Variants in ROBO1 observed in about 807,000 individuals in gnomAD.
The protein encoded by ROBO1 is roundabout guidance receptor 1.
ROBO1 carries 149 observed loss-of-function variants against 195.9 expected under a neutral mutation model. That is an observed-to-expected ratio of 0.76 (90% CI 0.67 to 0.87). ROBO1 has a LOEUF of 0.87. Among genes scored for constraint, ROBO1 ranks in the 40% least tolerant of loss-of-function variants. The pLI is 0.00. For synonymous variants in ROBO1, 816 were observed against 733.2 expected, an observed-to-expected ratio of 1.11 and a Z score of -1.82; for missense variants, 1,933 against 2,068.3, an observed-to-expected ratio of 0.93 and a Z score of 1.27.
intron 1 of ROBO1, among the ~76,000 whole-genome samples, chr3:79,692,856 C>A (rs1947334570): frequency 6.6e-6 from 1 of 151,732 alleles, no homozygotes; most frequent in Non-Finnish European, 1.5e-5. Context: ...GGAATATTTG[C>A]ATATACATAA....
At chr3:78,934,368 C>T (rs1232153871) in intron 4 of ROBO1, among the ~76,000 whole-genome samples, 1 of 151,682 alleles carries the variant, frequency 6.6e-6, no homozygotes, top group Non-Finnish European at 1.5e-5. Context: ...TAACAGTATT[C>T]TTTGAATACT....
chr3:78,868,041 A>T (rs543446703), intron 4 of ROBO1, among the ~76,000 whole-genome samples: 1 of 152,288 alleles, frequency 6.6e-6, no homozygotes, highest in African/African-American at 2.4e-5. Flanking sequence ...ATGAATCATG[A>T]GTACAAAGAA....
At chr3:79,050,103 T>C (rs143086721) in intron 3 of ROBO1, among the ~76,000 whole-genome samples, 200 of 152,106 alleles carry the variant, frequency 1.3e-3, no homozygotes, top group African/African-American at 4.1e-3. Context: ...GACTGGCAAA[T>C]TGGATAAACA....
chr3:78,857,513 G>A (rs563169195), intron 4 of ROBO1, among the ~76,000 whole-genome samples: 1 of 152,242 alleles, frequency 6.6e-6, no homozygotes, highest in South Asian at 2.1e-4. Flanking sequence ...TTTTAGATAT[G>A]AGAAAACAGA....
intron 2 of ROBO1, among the ~76,000 whole-genome samples, chr3:79,421,748 T>C (rs765259065): frequency 1.3e-5 from 2 of 152,164 alleles, no homozygotes; most frequent in African/African-American, 2.4e-5. Context: ...AATAGATACA[T>C]TAAAATATTG....
At chr3:79,371,184 C>CA (rs1331902691) in intron 2 of ROBO1, among the ~76,000 whole-genome samples, 2 of 151,996 alleles carry the variant, frequency 1.3e-5, no homozygotes, top group African/African-American at 4.8e-5. Flanking sequence ...TGATTTATAA[C>CA]CCTTTGGGTG....
intron 4 of ROBO1, among the ~76,000 whole-genome samples, chr3:78,860,925 T>A (rs1285821135): frequency 6.6e-6 from 1 of 152,150 alleles, no homozygotes; most frequent in Non-Finnish European, 1.5e-5. Flanking sequence ...CCACTAAATT[T>A]CTTCTACCTC....
intron 2 of ROBO1, among the ~76,000 whole-genome samples, chr3:79,411,984 T>G (rs1206389957): frequency 6.6e-6 from 1 of 151,980 alleles, no homozygotes; most frequent in Non-Finnish European, 1.5e-5. Context: ...ACAGGAGAAG[T>G]TATCTCAGCC....
chr3:79,507,838 G>A (rs1417537508), intron 2 of ROBO1: 1 of 154,736 alleles, frequency 6.5e-6, no homozygotes, highest in Non-Finnish European at 1.5e-5. Context: ...GAATATTACT[G>A]TGTTTGGGTA....
intron 1 of ROBO1, among the ~76,000 whole-genome samples, chr3:79,623,886 G>A (rs747573542): frequency 3.3e-5 from 5 of 151,920 alleles, no homozygotes; most frequent in Non-Finnish European, 7.4e-5. Context: ...ACCCCAAGAC[G>A]CATAATCATC....
At chr3:79,632,149 G>T (rs1945364440) in intron 1 of ROBO1, among the ~76,000 whole-genome samples, 1 of 152,104 alleles carries the variant, frequency 6.6e-6, no homozygotes. Flanking sequence ...AAAGGTAAAA[G>T]AAAACATTAT....
intron 4 of ROBO1, among the ~76,000 whole-genome samples, chr3:78,786,579 T>C (rs1279640964): frequency 6.6e-6 from 1 of 152,092 alleles, no homozygotes; most frequent in African/African-American, 2.4e-5. Flanking sequence ...AGGGACCCGG[T>C]AGGAGGTAAT....
At chr3:78,984,540 A>T (rs2077062944) in intron 3 of ROBO1, among the ~76,000 whole-genome samples, 1 of 152,212 alleles carries the variant, frequency 6.6e-6, no homozygotes, top group Non-Finnish European at 1.5e-5. Flanking sequence ...AAGGTATTTT[A>T]ATGCCTTTCC....
chr3:78,706,915 G>A (rs948803355), intron 8 of ROBO1, among the ~76,000 whole-genome samples: 3 of 152,116 alleles, frequency 2.0e-5, no homozygotes, highest in Non-Finnish European at 2.9e-5. Context: ...GTGTCTGCAG[G>A]CTGCATTGCC....
intron 4 of ROBO1, among the ~76,000 whole-genome samples, chr3:78,760,730 C>T (rs74956888): frequency 0.047 from 7,132 of 152,190 alleles, 555 homozygotes; most frequent in African/African-American, 0.16. Context: ...CAACATCAAA[C>T]TCCTGGGCTC....
At chr3:79,416,618 C>A (rs371854156) in intron 2 of ROBO1, among the ~76,000 whole-genome samples, 3,093 of 144,934 alleles carry the variant, frequency 0.021, 35 homozygotes, top group Non-Finnish European at 0.034. Flanking sequence ...AAAAAAAAAA[C>A]CGAAAGAAAG....
intron 3 of ROBO1, among the ~76,000 whole-genome samples, chr3:78,993,972 T>G (rs1374014247): frequency 6.6e-6 from 1 of 151,886 alleles, no homozygotes; most frequent in African/African-American, 2.4e-5. Flanking sequence ...GAATGGTTAT[T>G]TTACTAGATA....
chr3:79,115,631 A>G (rs139065402), intron 3 of ROBO1, among the ~76,000 whole-genome samples: 5 of 152,258 alleles, frequency 3.3e-5, no homozygotes, highest in Non-Finnish European at 7.4e-5. Flanking sequence ...CTCATTGCAT[A>G]AAGCAATGTT....
At chr3:78,720,918 G>A (rs9834909) in intron 5 of ROBO1, among the ~76,000 whole-genome samples, 61,265 of 148,606 alleles carry the variant, frequency 0.41, 13,675 homozygotes, top group Middle Eastern at 0.53. Flanking sequence ...CACAGGAAGC[G>A]GAACATCACA....
Sources: gnomAD v4.1 joint callset for allele counts (sites outside exome capture counted in the v4.1 genomes callset) on GRCh38, gnomAD v4.1.1 for gene constraint, MANE v1.5 for transcripts, NCBI Gene and HGNC (gene_info 2026-07-23, HGNC 2026-07-21) for gene names.